Variants in NPHP4 observed in about 807,000 individuals in gnomAD.
NPHP4 encodes the protein nephrocystin-4.
NPHP4 carries 151 observed loss-of-function variants against 155.8 expected under a neutral mutation model. The observed-to-expected ratio is 0.97, with a 90% CI of 0.85 to 1.11. The LOEUF (loss-of-function observed/expected upper bound fraction) is 1.11, where lower values mean the gene tolerates loss of function less well. Ranked by LOEUF, NPHP4 falls within the 50% of genes least tolerant of loss-of-function variation. The pLI, the probability that NPHP4 is intolerant of heterozygous loss-of-function variation, is 0.00. For missense variants in NPHP4, 1,956 were observed against 1,925.7 expected (o/e 1.02, Z -0.29); for synonymous variants, 845 against 816.8 (o/e 1.03, Z -0.59).
intron 9 of NPHP4, among the ~76,000 whole-genome samples, chr1:5,945,910 C>G (rs955862548): frequency 3.9e-5 from 6 of 152,180 alleles, no homozygotes; most frequent in East Asian, 1.9e-4. Context: ...TTGTCCCCCC[C>G]CAGGGCGTGA....
intron 1 of NPHP4, among the ~76,000 whole-genome samples, chr1:5,990,779 A>G (rs1395744932): frequency 6.6e-6 from 1 of 152,184 alleles, no homozygotes; most frequent in Non-Finnish European, 1.5e-5. Context: ...CACCAAAGGA[A>G]CCCAGGGCTA....
At chr1:5,935,053 T>C (rs1557772868) in intron 9 of NPHP4, among the ~76,000 whole-genome samples, 1 of 152,206 alleles carries the variant, frequency 6.6e-6, no homozygotes. Context: ...CCATGGTCTC[T>C]ACTGGGCTAA....
Position 5,905,530 on chromosome 1 carries a change from C to A in NPHP4, c.1764-47G>T. On this transcript the variant is annotated intron_variant, in intron 14 of 29. Coordinates refer to ENST00000378156, the MANE Select transcript of NPHP4 (RefSeq NM_015102.5). This position sits in a 1 kb window ranked among gnomAD's most constrained non-coding sequence, Gnocchi z 4.0. ...GGTAGCCTCCCGGGAAAGGGGGGAC[C>A]CATTGATGCACCTCCCTGTGGAAAC... The A allele has an allele frequency of 1.3e-6, 2 of 1,595,996 alleles. No individual in the cohort carries two copies. Among genetic ancestry groups the A allele is most frequent in the Non-Finnish European group, 1.7e-6 (2 of 1,166,236 alleles).
intron 29 of NPHP4, 196 bp from the exon 30 acceptor site, chr1:5,863,601 G>A (rs1047083350): frequency 2.9e-5 from 19 of 660,032 alleles, no homozygotes; most frequent in Admixed American, 8.2e-5. Flanking sequence ...AGTGTGACGC[G>A]TTACTTGGAC....
chr1:5,909,175 G>A lies in NPHP4; in HGVS notation c.1480C>T (p.Gln494Ter). The A allele has an allele frequency of 6.2e-7, 1 of 1,602,850 alleles. No individual in the cohort carries two copies. The change falls in exon 12 of 30, where the codon CAG becomes TAG. Residue 494 changes from glutamine (Q) to a stop codon, truncating the protein, a stop_gained. Transcript: ENST00000378156. LOFTEE classifies it high-confidence loss of function. ...ACCCCTGGTCCCACAGGTGAGTTCT[G>A]CGGGGCAGCGAGAACTCGAGGTACT... ...APVPRVLAAP[Q>*]NSPVGPGLSI...
chr1:5,873,418 C>A lies in NPHP4; in HGVS notation c.3232-83G>T, dbSNP rs1163110771. On this transcript the variant is annotated intron_variant, in intron 22 of 29. Transcript: ENST00000378156. ...CCTGTGCTTAGAGACACCACTGCCA[C>A]CCAGCTGGGAGCCACCAGCCTCCTC... 9.0e-6 allele frequency: 10 copies of A among 1,116,138 alleles called. No individual in the cohort carries two copies. In the African/African-American group the frequency reaches 1.4e-4, roughly 16 times the overall value. 69.1% of individuals were successfully genotyped at this position (1,116,138 alleles called of 1,614,324 possible).
At chr1:5,891,227 T>C (rs1225301299) in intron 16 of NPHP4, among the ~76,000 whole-genome samples, 199 bp from the exon 17 acceptor site, 1 of 152,260 alleles carries the variant, frequency 6.6e-6, no homozygotes, top group Admixed American at 6.5e-5. Flanking sequence ...ACTACATTTC[T>C]TTCGCATAGA....
At position 5,880,155 on chromosome 1, in the gene NPHP4, C is replaced by T. The variant is rs959762813; in HGVS notation, c.2570G>A (p.Arg857His). 6 of 1,613,538 alleles carry T rather than the reference C, an allele frequency of 3.7e-6. No homozygotes were observed. The highest frequency in any genetic ancestry group is 1.7e-5 in the Admixed American group (1 of 59,966). Residue 857 changes from arginine (R) to histidine (H), a missense_variant, in exon 19 of 30, where the codon CGC becomes CAC. Arg to His is a conservative substitution (Grantham distance 29). Transcript: ENST00000378156. ...SRVISNDGASRFSGGSLLTTG... is the reference protein window; with the variant it reads ...SRVISNDGASHFSGGSLLTTG... ...CGTGAGGAGGCTGCCTCCAGAGAAG[C>T]GGCTGGCTCCATCGTTTGAGATGAC...
rs895464993 is a variant in NPHP4, at chr1:5,874,355, C to G, written c.3231+116G>C. Reference sequence around the variant, plus strand: ...GCACCAAGGGGAGTGGGCGGCAGCCCCAAGGCTAGTCTGTCTGCACAGGTA... The same window carrying G: ...GCACCAAGGGGAGTGGGCGGCAGCCGCAAGGCTAGTCTGTCTGCACAGGTA... On this transcript the variant is annotated intron_variant, in intron 22 of 29. Transcript: ENST00000378156. The G allele has an allele frequency of 4.7e-6, 5 of 1,062,406 alleles. No homozygotes were observed. The African/African-American group carries it at 6.4e-5, about 14-fold the overall frequency. The allele number at this position is 1,062,406 out of a possible 1,614,324, so 65.8% of individuals were successfully genotyped here. A position where few individuals can be genotyped will look rare whatever the true frequency, so the allele number is the denominator to read the frequency against.
At position 5,887,422 on chromosome 1, in the gene NPHP4, C is replaced by T. The variant is rs778596372; in HGVS notation, c.2349G>A (p.Glu783=). 4.5e-5 allele frequency: 73 copies of T among 1,613,244 alleles called. No individual in the cohort carries two copies. The highest frequency in any genetic ancestry group is 3.2e-5 in the Non-Finnish European group (38 of 1,179,898). Residue 783 remains glutamate, a synonymous_variant, in exon 18 of 30, where the codon GAG becomes GAA. Coordinates refer to ENST00000378156, the MANE Select transcript of NPHP4 (RefSeq NM_015102.5). ...CGTATTCAGTTGCCACGACCTCAAG[C>T]TCGTGGGAGGCCTGCACAGCCGGCC... The part of the protein sequence containing the change: ...QGRPAVQASH[E]LEVVATEYEQ...
chr1:5,973,686 T>C (rs1653002838), intron 3 of NPHP4, among the ~76,000 whole-genome samples: 1 of 152,234 alleles, frequency 6.6e-6, no homozygotes. Flanking sequence ...GACAGTTCAA[T>C]CACTGTACAA....
rs1640801647 is a variant in NPHP4 at position 5,863,023 on chromosome 1, A to G, written c.*242T>C. 3.6e-6 allele frequency: 2 copies of G among 562,726 alleles called. No individual in the cohort carries two copies. The highest frequency in any genetic ancestry group is 6.1e-5 in the Admixed American group (2 of 32,864). The allele number at this position is 562,726 out of a possible 1,614,324, so 34.9% of individuals were successfully genotyped here. On this transcript the variant is annotated 3_prime_UTR_variant, in exon 30 of 30. Coordinates refer to ENST00000378156, the MANE Select transcript of NPHP4 (RefSeq NM_015102.5). The stretch of plus-strand genomic sequence containing the variant: ...AGATGGCAGCACCAGAGCCAGACCC[A>G]CCACCACGGAGTTCGCGCTCACGGA...
chr1:5,883,945 C>T (rs748213649), intron 18 of NPHP4, among the ~76,000 whole-genome samples: 1 of 152,136 alleles, frequency 6.6e-6, no homozygotes, highest in Non-Finnish European at 1.5e-5. Context: ...ATGGCTGCAG[C>T]GGGTGTGACC....
At chr1:5,894,149 C>T (rs6689443) in intron 16 of NPHP4, among the ~76,000 whole-genome samples, 31,252 of 152,162 alleles carry the variant, frequency 0.21, 3,316 homozygotes, top group Non-Finnish European at 0.23. Flanking sequence ...TGCCTCAGCA[C>T]CTGGTTGGCT....
At chr1:5,901,220 T>C (rs1261897967) in intron 16 of NPHP4, among the ~76,000 whole-genome samples, 4 of 152,188 alleles carry the variant, frequency 2.6e-5, no homozygotes, top group African/African-American at 4.8e-5. Flanking sequence ...AATGGAACCA[T>C]GCACTGGCAA....
chr1:5,891,432 C>G (rs1644121404), intron 16 of NPHP4, among the ~76,000 whole-genome samples: 2 of 152,172 alleles, frequency 1.3e-5, no homozygotes, highest in Non-Finnish European at 2.9e-5. Context: ...GAGCTCAAAC[C>G]GAGATCAGGC....
intron 2 of NPHP4, among the ~76,000 whole-genome samples, chr1:5,984,433 C>G (rs1277854029): frequency 1.3e-5 from 2 of 151,928 alleles, no homozygotes; most frequent in East Asian, 3.9e-4. Context: ...ACTTGGGAGG[C>G]TGAGGAAGGA....
At chr1:5,949,371 A>ACACACACACACACACACACACAC (rs1329287886) in intron 7 of NPHP4, among the ~76,000 whole-genome samples, 16 of 18,292 alleles carry the variant, frequency 8.7e-4, no homozygotes, top group Admixed American at 5.9e-3. Flanking sequence ...CACACACACA[A>ACACACACACACACACACACACAC]CTTGCTAACT....
chr1:5,955,464 G>A (rs751119377), intron 6 of NPHP4, among the ~76,000 whole-genome samples: 8 of 152,248 alleles, frequency 5.3e-5, no homozygotes, highest in Non-Finnish European at 8.8e-5. Context: ...ATTCACAACA[G>A]TGGAGACACA....
Sources: allele counts gnomAD v4.1 joint callset (sites outside exome capture counted in the v4.1 genomes callset), GRCh38; gene constraint gnomAD v4.1.1; non-coding constraint Gnocchi (gnomAD v3.1); transcripts MANE v1.5; gene names NCBI Gene and HGNC (gene_info 2026-07-23, HGNC 2026-07-21).